Variants in TMEM135 observed in about 807,000 individuals in gnomAD.
TMEM135 encodes the protein transmembrane protein 135.
Under a neutral mutation model 60.3 loss-of-function variants are expected in TMEM135, and 30 were observed. That is an observed-to-expected ratio of 0.50 (90% confidence interval 0.37 to 0.68). The LOEUF (loss-of-function observed/expected upper bound fraction) is 0.68, where lower values mean the gene tolerates loss of function less well. Ranked by LOEUF, TMEM135 falls within the 30% of genes least tolerant of loss-of-function variation. The probability of loss-of-function intolerance (pLI) is 0.00; values close to 1 mark genes in which losing one functional copy is unlikely to be tolerated. For synonymous variants in TMEM135, 190 were observed against 186.7 expected, an observed-to-expected ratio of 1.02 and a Z score of -0.14; for missense variants, 468 against 548.8, an observed-to-expected ratio of 0.85 and a Z score of 1.47.
chr11:87,167,090 A>G (rs142020921), intron 5 of TMEM135, among the ~76,000 whole-genome samples: 164 of 152,074 alleles, frequency 1.1e-3, no homozygotes, highest in African/African-American at 3.8e-3. Flanking sequence ...CATTTGCTCA[A>G]GATTTGGCGT....
chr11:87,283,755 G>A (rs1942111740), intron 6 of TMEM135, among the ~76,000 whole-genome samples: 2 of 152,076 alleles, frequency 1.3e-5, no homozygotes, highest in Admixed American at 1.3e-4. Flanking sequence ...CTACTTGGGA[G>A]GCTGAGGCAG....
chr11:87,190,856 A>G (rs1174443245), intron 5 of TMEM135, among the ~76,000 whole-genome samples: 1 of 152,198 alleles, frequency 6.6e-6, no homozygotes, highest in Non-Finnish European at 1.5e-5. Context: ...ATTCACAGAC[A>G]ATATACTATT....
At chr11:87,305,854 A>T in intron 8 of TMEM135, 82 bp from the exon 9 acceptor site, 1 of 918,336 alleles carries the variant, frequency 1.1e-6, no homozygotes, top group Non-Finnish European at 1.6e-6. Flanking sequence ...GAAAGCTTTA[A>T]ACAGATCCAC....
At chr11:87,098,609 T>G (rs905464903) in intron 4 of TMEM135, among the ~76,000 whole-genome samples, 1 of 152,104 alleles carries the variant, frequency 6.6e-6, no homozygotes, top group East Asian at 1.9e-4. Context: ...TGATAATAAA[T>G]ACTACAACCT....
chr11:87,233,408 T>A (rs1368835236), intron 5 of TMEM135, among the ~76,000 whole-genome samples: 1 of 151,942 alleles, frequency 6.6e-6, no homozygotes. Context: ...CCCCAATCAG[T>A]TAAAACTACA....
chr11:87,231,306 T>C (rs1940884764), intron 5 of TMEM135, among the ~76,000 whole-genome samples: 1 of 152,104 alleles, frequency 6.6e-6, no homozygotes, highest in Non-Finnish European at 1.5e-5. Flanking sequence ...TCTGAAGAAT[T>C]AGAGGTTTTT....
chr11:87,223,918 AATG>A (rs1407711014), intron 5 of TMEM135, among the ~76,000 whole-genome samples: 2 of 152,196 alleles, frequency 1.3e-5, no homozygotes, highest in African/African-American at 4.8e-5. Context: ...TGACTGAAGA[AATG>A]ATAACGGGAA....
intron 4 of TMEM135, among the ~76,000 whole-genome samples, chr11:87,105,068 T>C (rs1406063580): frequency 1.3e-5 from 2 of 152,222 alleles, no homozygotes; most frequent in Non-Finnish European, 2.9e-5. Context: ...ATATATGGCC[T>C]TTATTGTGTT....
chr11:87,139,343 T>C (rs1359917988), intron 4 of TMEM135, among the ~76,000 whole-genome samples: 1 of 152,156 alleles, frequency 6.6e-6, no homozygotes, highest in Non-Finnish European at 1.5e-5. Flanking sequence ...GTTTACAGTT[T>C]GATGAGTTTT....
chr11:87,169,009 G>A (rs569881966), intron 5 of TMEM135, among the ~76,000 whole-genome samples: 5 of 151,962 alleles, frequency 3.3e-5, no homozygotes, highest in Admixed American at 6.6e-5. Flanking sequence ...ATATATTTAG[G>A]ATAGTTAACT....
intron 5 of TMEM135, among the ~76,000 whole-genome samples, chr11:87,223,320 A>G (rs1433427158): frequency 2.0e-5 from 3 of 149,836 alleles, no homozygotes; most frequent in African/African-American, 7.5e-5. Context: ...GCCAGCCACC[A>G]TGCCCAGCTA....
chr11:87,189,096 T>G (rs992149539), intron 5 of TMEM135, among the ~76,000 whole-genome samples: 3 of 152,082 alleles, frequency 2.0e-5, no homozygotes, highest in African/African-American at 7.2e-5. Flanking sequence ...TCCTTCCTTT[T>G]CCGTTTCCCT....
chr11:87,081,469 A>G lies in TMEM135; in HGVS notation c.362+9854A>G, dbSNP rs554947892. On this transcript the variant is annotated intron_variant, in intron 3 of 14. Coordinates refer to ENST00000305494, the MANE Select transcript of TMEM135 (RefSeq NM_022918.4). ...TAGGTCCATCTTAGGACTGCTTACT[A>G]TTGGATTTGTTTTTTGTTTGTTGGT... Among the ~76,000 whole-genome samples the G allele has an allele frequency of 2.2e-3, 331 of 152,036 alleles. 1 individual carries two copies. Among genetic ancestry groups the G allele is most frequent in the African/African-American group, 7.6e-3 (316 of 41,482 alleles).
intron 4 of TMEM135, among the ~76,000 whole-genome samples, chr11:87,116,651 A>C (rs1252269879): frequency 6.6e-6 from 1 of 151,104 alleles, no homozygotes; most frequent in Non-Finnish European, 1.5e-5. Context: ...ACACACAGAC[A>C]CACACATACA....
chr11:87,282,530 T>C (rs1462175436), intron 6 of TMEM135, among the ~76,000 whole-genome samples: 1 of 152,202 alleles, frequency 6.6e-6, no homozygotes, highest in African/African-American at 2.4e-5. Flanking sequence ...CCTCCCAAAG[T>C]GCTGGGATTA....
intron 6 of TMEM135, among the ~76,000 whole-genome samples, chr11:87,293,584 C>G (rs957752476): frequency 2.6e-5 from 4 of 152,124 alleles, no homozygotes; most frequent in African/African-American, 9.7e-5. Flanking sequence ...ATGTTCAACT[C>G]CTACTTGTGA....
rs556804544 is a variant in TMEM135, at chr11:87,043,046, C to G, written c.141+4860C>G. On this transcript the variant is annotated intron_variant, in intron 1 of 14. Transcript: ENST00000305494. The stretch of plus-strand genomic sequence containing the variant: ...TCTCGGCTCACTACAACCTCCGCCT[C>G]CCAGGTTCAAGCCATTCTGCTGCCT... Among the ~76,000 whole-genome samples, 344 of 121,194 alleles carry G rather than the reference C, an allele frequency of 2.8e-3. 1 individual carries two copies. Among genetic ancestry groups the G allele is most frequent in the Non-Finnish European group, 5.0e-3 (273 of 54,148 alleles). 79.5% of individuals were successfully genotyped at this position (121,194 alleles called of 152,430 possible). A position where few individuals can be genotyped will look rare whatever the true frequency, so the allele number is the denominator to read the frequency against.
chr11:87,200,108 T>C (rs1353012736), intron 5 of TMEM135, among the ~76,000 whole-genome samples: 1 of 152,194 alleles, frequency 6.6e-6, no homozygotes, highest in Non-Finnish European at 1.5e-5. Flanking sequence ...GAAATTATAA[T>C]TATTAGTAAT....
intron 9 of TMEM135, among the ~76,000 whole-genome samples, chr11:87,306,470 C>CT (rs144940378): frequency 0.064 from 9,568 of 149,966 alleles, 333 homozygotes; most frequent in East Asian, 0.15. Flanking sequence ...AAAACTATTA[C>CT]TTTTTTTTTT....
Sources: gnomAD v4.1 joint callset for allele counts (sites outside exome capture counted in the v4.1 genomes callset) on GRCh38, gnomAD v4.1.1 for gene constraint, MANE v1.5 for transcripts, NCBI Gene and HGNC (gene_info 2026-07-23, HGNC 2026-07-21) for gene names.